JMY: variants seen among roughly 807,000 people sequenced by gnomAD.
JMY encodes the protein junction-mediating and -regulatory protein.
In JMY, 46 loss-of-function variants were observed where a neutral mutation model predicts 103.3. The observed-to-expected ratio is 0.45, with a 90% CI of 0.35 to 0.57. The LOEUF (loss-of-function observed/expected upper bound fraction) is 0.57. Among genes scored for constraint, JMY ranks in the 20% least tolerant of loss-of-function variants. The pLI is 0.00. For missense variants in JMY, 1,238 were observed against 1,255.2 expected (o/e 0.99, Z 0.21); for synonymous variants, 526 against 489.3 (o/e 1.07, Z -0.99).
At chr5:79,282,342 T>C (rs1227721572) in intron 2 of JMY, among the ~76,000 whole-genome samples, 3 of 152,212 alleles carry the variant, frequency 2.0e-5, no homozygotes, top group African/African-American at 7.2e-5. Flanking sequence ...TTTGGAGTGA[T>C]TCTTTAAATC....
intron 2 of JMY, among the ~76,000 whole-genome samples, chr5:79,280,563 T>C (rs1385409202): frequency 6.6e-6 from 1 of 152,232 alleles, no homozygotes; most frequent in Non-Finnish European, 1.5e-5. Flanking sequence ...ATGACTATTC[T>C]TTTATTCTTG....
At chr5:79,242,053 T>C (rs1338062580) in intron 1 of JMY, among the ~76,000 whole-genome samples, 1 of 152,224 alleles carries the variant, frequency 6.6e-6, no homozygotes, top group East Asian at 1.9e-4. Context: ...AAACCTTAAT[T>C]ATGATGGTAG....
chr5:79,253,418 G>C (rs1433876010), intron 1 of JMY, among the ~76,000 whole-genome samples: 2 of 151,916 alleles, frequency 1.3e-5, no homozygotes, highest in East Asian at 3.9e-4. Context: ...TCAGCCTCCT[G>C]AGTAGTTGGG....
At chr5:79,261,108 C>G (rs998098752) in intron 1 of JMY, among the ~76,000 whole-genome samples, 1 of 152,152 alleles carries the variant, frequency 6.6e-6, no homozygotes, top group East Asian at 1.9e-4. Context: ...GGAACTGGGT[C>G]ACACAAACCT....
Position 79,300,811 on chromosome 5 carries a change from A to T in JMY, c.1829A>T (p.Glu610Val). 6.2e-7 allele frequency: 1 copy of T among 1,609,894 alleles called. No homozygotes were observed. The highest frequency in any genetic ancestry group is 8.5e-7 in the Non-Finnish European group (1 of 1,178,654). ...QKLQQKARQL[E>V]ARRGRVSAKK... Reference sequence around the variant, plus strand: ...CTTCAGCAGAAAGCACGCCAGCTGGAAGCAAGACGTGGACGGGTTTCTGCC... The same window carrying T: ...CTTCAGCAGAAAGCACGCCAGCTGGTAGCAAGACGTGGACGGGTTTCTGCC... The change falls in exon 6 of 11, where the codon GAA becomes GTA. Residue 610 changes from glutamate (E) to valine (V), a missense_variant. Physicochemically the swap from Glu to Val is moderately radical, Grantham distance 121. Coordinates refer to ENST00000396137, the MANE Select transcript of JMY (RefSeq NM_152405.5).
At chr5:79,243,209 T>G (rs1211023938) in intron 1 of JMY, among the ~76,000 whole-genome samples, 2 of 152,168 alleles carry the variant, frequency 1.3e-5, no homozygotes, top group South Asian at 2.1e-4. Context: ...GAAGTTTTGT[T>G]TAACAGGTGT....
intron 1 of JMY, among the ~76,000 whole-genome samples, chr5:79,262,602 C>T (rs2591387): frequency 0.29 from 44,516 of 152,032 alleles, 7,556 homozygotes; most frequent in South Asian, 0.45. Flanking sequence ...TTTGCCAATA[C>T]TTAGATTAAA....
intron 7 of JMY, among the ~76,000 whole-genome samples, chr5:79,308,820 A>G (rs1306785716): frequency 6.6e-6 from 1 of 152,108 alleles, no homozygotes; most frequent in Non-Finnish European, 1.5e-5. Context: ...ATGAACAAAG[A>G]ATATTTTTCA....
intron 1 of JMY, among the ~76,000 whole-genome samples, chr5:79,268,602 C>T (rs1378451220): frequency 1.3e-5 from 2 of 152,114 alleles, no homozygotes; most frequent in East Asian, 1.9e-4. Context: ...ATTCTTCTGC[C>T]TCAGCCTCCC....
At position 79,300,179 on chromosome 5, in the gene JMY, A is replaced by AG. The variant is rs1430455572; in HGVS notation, c.1555dup (p.Ala519GlyfsTer11). 2.5e-6 allele frequency: 4 copies of AG among 1,613,524 alleles called. No individual in the cohort carries two copies. The highest frequency in any genetic ancestry group is 3.4e-6 in the Non-Finnish European group (4 of 1,179,750). ...TGCAGAGTTTGCGGGGTGGTACAGAAGCGATAGCACGATTGGATCAGTTAG... is the reference window on the plus strand; with the variant it reads ...TGCAGAGTTTGCGGGGTGGTACAGAAGGCGATAGCACGATTGGATCAGTTAG... On this transcript the variant is annotated frameshift_variant, in exon 5 of 11. Coordinates refer to ENST00000396137, the MANE Select transcript of JMY (RefSeq NM_152405.5). LOFTEE classifies it high-confidence loss of function.
rs1269700526 is a variant in JMY, at chr5:79,236,396, C to T, written c.-255C>T. 9.1e-6 allele frequency: 3 copies of T among 330,892 alleles called. No individual in the cohort carries two copies. The highest frequency in any genetic ancestry group is 9.9e-5 in the Admixed American group (2 of 20,270). 20.5% of individuals were successfully genotyped at this position (330,892 alleles called of 1,614,324 possible). A position where few individuals can be genotyped will look rare whatever the true frequency, so the allele number is the denominator to read the frequency against. ...GCTGCGGCAGCGCGGAGCTTGTAAACAGATCCGGCCGCAGGTGACCATGTG... is the reference window on the plus strand; with the variant it reads ...GCTGCGGCAGCGCGGAGCTTGTAAATAGATCCGGCCGCAGGTGACCATGTG... On this transcript the variant is annotated 5_prime_UTR_variant, in exon 1 of 11. Coordinates refer to ENST00000396137, the MANE Select transcript of JMY (RefSeq NM_152405.5).
At chr5:79,261,271 A>C (rs537212782) in intron 1 of JMY, among the ~76,000 whole-genome samples, 20 of 152,300 alleles carry the variant, frequency 1.3e-4, no homozygotes, top group Middle Eastern at 3.4e-3. Context: ...AATTGATAGC[A>C]TATCCTTACA....
intron 1 of JMY, among the ~76,000 whole-genome samples, chr5:79,257,952 A>T (rs1482884204): frequency 6.6e-6 from 1 of 152,010 alleles, no homozygotes; most frequent in Non-Finnish European, 1.5e-5. Flanking sequence ...TAGTAGAGAC[A>T]GGGTTTCACC....
intron 1 of JMY, among the ~76,000 whole-genome samples, chr5:79,249,071 C>G (rs1276031233): frequency 3.5e-5 from 5 of 144,692 alleles, no homozygotes; most frequent in Non-Finnish European, 7.6e-5. Flanking sequence ...CCTTTTTTTT[C>G]CCTCTTGTTA....
chr5:79,255,097 C>A (rs959014286), intron 1 of JMY, among the ~76,000 whole-genome samples: 8 of 148,562 alleles, frequency 5.4e-5, no homozygotes, highest in African/African-American at 2.0e-4. Context: ...ACTTTGAATT[C>A]TCTGTCTGAA....
At chr5:79,248,558 C>T (rs1198532685) in intron 1 of JMY, among the ~76,000 whole-genome samples, 3 of 152,048 alleles carry the variant, frequency 2.0e-5, no homozygotes, top group South Asian at 2.1e-4. Flanking sequence ...ATCCACCCGC[C>T]TCAGCCTCCC....
At position 79,325,110 on chromosome 5, in the gene JMY, A is replaced by G. The variant is rs1747591487; in HGVS notation, c.*3508A>G. 1 of 152,624 alleles carries G rather than the reference A, an allele frequency of 6.6e-6. No homozygotes were observed. 9.5% of individuals were successfully genotyped at this position (152,624 alleles called of 1,614,324 possible). A position where few individuals can be genotyped will look rare whatever the true frequency, so the allele number is the denominator to read the frequency against. ...GGAATGGGATCAGTATACAATTAAT[A>G]CAATTTAATTTTACACATTCCCTAA... On this transcript the variant is annotated 3_prime_UTR_variant, in exon 11 of 11. Coordinates refer to ENST00000396137, the MANE Select transcript of JMY (RefSeq NM_152405.5).
At chr5:79,275,547 G>A (rs1002865171) in intron 1 of JMY, among the ~76,000 whole-genome samples, 10 of 152,094 alleles carry the variant, frequency 6.6e-5, no homozygotes, top group African/African-American at 1.2e-4. Flanking sequence ...TGAATAAACC[G>A]TCTAGAGCCC....
At chr5:79,262,994 T>A (rs908101514) in intron 1 of JMY, among the ~76,000 whole-genome samples, 1 of 152,222 alleles carries the variant, frequency 6.6e-6, no homozygotes, top group African/African-American at 2.4e-5. Flanking sequence ...TTATTGACCC[T>A]GTAAGAAGAG....
Sources: allele counts gnomAD v4.1 joint callset (sites outside exome capture counted in the v4.1 genomes callset), GRCh38; gene constraint gnomAD v4.1.1; transcripts MANE v1.5; gene names NCBI Gene and HGNC (gene_info 2026-07-23, HGNC 2026-07-21).